KLHL14: variants seen among roughly 807,000 people sequenced by gnomAD.
KLHL14 encodes kelch like family member 14.
A neutral mutation model predicts 64.3 loss-of-function variants in KLHL14; 22 were observed. The observed-to-expected ratio is 0.34, with a 90% CI of 0.24 to 0.49. KLHL14 has a LOEUF of 0.49. Ranked by LOEUF, KLHL14 falls within the 20% of genes least tolerant of loss-of-function variation. The probability of loss-of-function intolerance (pLI) is 0.99; values close to 1 mark genes in which losing one functional copy is unlikely to be tolerated. For missense variants in KLHL14, 661 were observed against 789.0 expected (o/e 0.84, Z 1.94); for synonymous variants, 322 against 333.4 (o/e 0.97, Z 0.37).
At chr18:32,766,324 G>A (rs1048532794) in intron 2 of KLHL14, among the ~76,000 whole-genome samples, 3 of 151,960 alleles carry the variant, frequency 2.0e-5, no homozygotes, top group African/African-American at 7.2e-5. Flanking sequence ...GCTAAATTTA[G>A]ACTATGTCTT....
chr18:32,722,717 CT>C (rs1055668801), intron 3 of KLHL14, among the ~76,000 whole-genome samples: 6 of 152,124 alleles, frequency 3.9e-5, no homozygotes, highest in African/African-American at 1.4e-4. Context: ...AATCTCAGAA[CT>C]TTTGGAGGCT....
At chr18:32,722,190 TC>T (rs1297671879) in intron 3 of KLHL14, among the ~76,000 whole-genome samples, 1 of 152,184 alleles carries the variant, frequency 6.6e-6, no homozygotes, top group Non-Finnish European at 1.5e-5. Context: ...TAAACCTCTT[TC>T]CTTTATAATT....
chr18:32,673,319 T>C lies in KLHL14; in HGVS notation c.*1338A>G, dbSNP rs948702963. The stretch of plus-strand genomic sequence containing the variant: ...TTGTTGAAGGATTCAACACCATCTC[T>C]GGATGGTTAAAATATATTTTAGGCT... On this transcript the variant is annotated 3_prime_UTR_variant, in exon 9 of 9. Transcript: ENST00000359358. The C allele has an allele frequency of 6.6e-6, 1 of 152,404 alleles. No individual in the cohort carries two copies. Among genetic ancestry groups the C allele is most frequent in the African/African-American group, 2.4e-5 (1 of 41,446 alleles). 9.4% of individuals were successfully genotyped at this position (152,404 alleles called of 1,614,324 possible).
chr18:32,740,328 G>A (rs2050189673), intron 3 of KLHL14, among the ~76,000 whole-genome samples: 1 of 152,118 alleles, frequency 6.6e-6, no homozygotes, highest in African/African-American at 2.4e-5. Context: ...CTTTTCTAAG[G>A]TATTGTTCAC....
At chr18:32,684,513 C>T (rs1225638617) in intron 5 of KLHL14, among the ~76,000 whole-genome samples, 1 of 152,118 alleles carries the variant, frequency 6.6e-6, no homozygotes, top group Non-Finnish European at 1.5e-5. Context: ...CAGTCTATAA[C>T]TTAAAATGAA....
At chr18:32,759,729 A>G (rs554362511) in intron 2 of KLHL14, among the ~76,000 whole-genome samples, 3 of 139,038 alleles carry the variant, frequency 2.2e-5, no homozygotes, top group South Asian at 2.3e-4. Flanking sequence ...CTCTCTCGTC[A>G]TTTTGGAGTG....
rs1023802724 is a variant in KLHL14, at chr18:32,673,362, T to C, written c.*1295A>G. 1.3e-5 allele frequency: 2 copies of C among 152,190 alleles called. No homozygotes were observed. Among genetic ancestry groups the C allele is most frequent in the Non-Finnish European group, 2.9e-5 (2 of 68,032 alleles). 9.4% of individuals were successfully genotyped at this position (152,190 alleles called of 1,614,324 possible). On this transcript the variant is annotated 3_prime_UTR_variant, in exon 9 of 9. Coordinates refer to ENST00000359358, the MANE Select transcript of KLHL14 (RefSeq NM_020805.3). ...TTTAGGCTTTTATTTACTCCTAAAG[T>C]TGTTGTTCAAGCTCTGGAGGGCTTG...
intron 2 of KLHL14, among the ~76,000 whole-genome samples, chr18:32,759,416 A>G (rs1213410981): frequency 6.6e-6 from 1 of 152,228 alleles, no homozygotes; most frequent in Non-Finnish European, 1.5e-5. Context: ...AAATGGAACT[A>G]TTCCTATAAA....
intron 5 of KLHL14, among the ~76,000 whole-genome samples, chr18:32,681,486 C>T (rs1421045031): frequency 6.6e-6 from 1 of 152,102 alleles, no homozygotes; most frequent in African/African-American, 2.4e-5. Flanking sequence ...GGGAAAATAA[C>T]ATTCAAACAG....
At chr18:32,715,524 G>T (rs530328193) in intron 3 of KLHL14, among the ~76,000 whole-genome samples, 54 of 151,650 alleles carry the variant, frequency 3.6e-4, no homozygotes, top group African/African-American at 1.2e-3. Context: ...TTTTTTAGTA[G>T]CTTCAACCTA....
chr18:32,715,562 T>G (rs1401430552), intron 3 of KLHL14, among the ~76,000 whole-genome samples: 1 of 152,150 alleles, frequency 6.6e-6, no homozygotes, highest in African/African-American at 2.4e-5. Context: ...TTCACTTTTT[T>G]ATATAATAAA....
chr18:32,760,063 T>C (rs2050305845), intron 2 of KLHL14, among the ~76,000 whole-genome samples: 1 of 152,200 alleles, frequency 6.6e-6, no homozygotes, highest in Non-Finnish European at 1.5e-5. Context: ...GTGGTTGGTT[T>C]TGAGGGGTGC....
rs2050374159 is a variant in KLHL14 at position 32,770,289 on chromosome 18, C to T, written c.303G>A (p.Gln101=). 1.3e-6 allele frequency: 2 copies of T among 1,588,378 alleles called. No individual in the cohort carries two copies. Among genetic ancestry groups the T allele is most frequent in the African/African-American group, 1.3e-5 (1 of 74,584 alleles). ...QPSQQQQPPP[Q]EEPGTPSSSP... ...AGGAAGAAGGAGTCCCGGGCTCCTC[C>T]TGCGGCGGCGGCTGCTGCTGCTGTG... Residue 101 remains glutamine, a synonymous_variant, in exon 2 of 9, where the codon CAG becomes CAA. Coordinates refer to ENST00000359358, the MANE Select transcript of KLHL14 (RefSeq NM_020805.3). The surrounding 1 kb of genome is among the most constrained non-coding windows in gnomAD (Gnocchi z 6.7).
At chr18:32,686,809 A>G (rs574881285) in intron 5 of KLHL14, among the ~76,000 whole-genome samples, 21 of 152,278 alleles carry the variant, frequency 1.4e-4, no homozygotes, top group African/African-American at 4.8e-4. Flanking sequence ...CATCATTGCA[A>G]GTATAGTATT....
Position 32,709,637 on chromosome 18 carries a change from T to A in KLHL14, c.1070-14085A>T, listed in dbSNP as rs574825554. On this transcript the variant is annotated intron_variant, in intron 3 of 8. Transcript: ENST00000359358. ...GTAATTTTTAAATATTTTGTAGGGA[T>A]GGAATCTTGCTATGTTGCCCAGGCT... 4.6e-5 allele frequency among the ~76,000 whole-genome samples: 7 copies of A among 152,202 alleles called. No homozygotes were observed. The East Asian group carries it at 1.2e-3, about 25-fold the overall frequency.
chr18:32,674,755 C>T lies in KLHL14; in HGVS notation c.1789G>A (p.Gly597Arg). 1 of 780,972 alleles carries T rather than the reference C, an allele frequency of 1.3e-6. No homozygotes were observed. Among genetic ancestry groups the T allele is most frequent in the Non-Finnish European group, 2.4e-6 (1 of 418,056 alleles). The allele number at this position is 780,972 out of a possible 1,614,324, so 48.4% of individuals were successfully genotyped here. A position where few individuals can be genotyped will look rare whatever the true frequency, so the allele number is the denominator to read the frequency against. ...TCTCCTTCGAGTTCTGTCCAGGTTCCTTTCTCTGGACAATAGCATATTGTA... is the reference window on the plus strand; with the variant it reads ...TCTCCTTCGAGTTCTGTCCAGGTTCTTTTCTCTGGACAATAGCATATTGTA... ...SSTICYCPEK[G>R]TWTELEGDVA... The change falls in exon 9 of 9, where the codon GGA (glycine) becomes AGA (arginine). Residue 597 changes from glycine (G) to arginine (R), a missense_variant. Physicochemically the swap from Gly to Arg is moderately radical, Grantham distance 125. Around this residue, in one of 2 missense-constraint regions of KLHL14, gnomAD observed 330 missense variants for 450.0 expected, o/e 0.73. Coordinates refer to ENST00000359358, the MANE Select transcript of KLHL14 (RefSeq NM_020805.3).
At chr18:32,714,118 T>TA (rs1370408708) in intron 3 of KLHL14, among the ~76,000 whole-genome samples, 1 of 152,190 alleles carries the variant, frequency 6.6e-6, no homozygotes, top group African/African-American at 2.4e-5. Flanking sequence ...ACAAATTTAC[T>TA]AAATTTACTA....
intron 4 of KLHL14, among the ~76,000 whole-genome samples, chr18:32,691,544 C>A (rs576722437): frequency 1.2e-3 from 177 of 152,096 alleles, no homozygotes; most frequent in African/African-American, 4.1e-3. Flanking sequence ...TTCCCAGACC[C>A]CCCAAAGAAG....
rs2049801120 is a variant in KLHL14, at chr18:32,674,510, T to G, written c.*147A>C. 4 of 637,656 alleles carry G rather than the reference T, an allele frequency of 6.3e-6. No homozygotes were observed. The highest frequency in any genetic ancestry group is 1.1e-5 in the Non-Finnish European group (4 of 351,812). 39.5% of individuals were successfully genotyped at this position (637,656 alleles called of 1,614,324 possible). On this transcript the variant is annotated 3_prime_UTR_variant, in exon 9 of 9. Transcript: ENST00000359358. The stretch of plus-strand genomic sequence containing the variant: ...GTATCTGTTCAAGAACAGGTCTCTT[T>G]CTTTTGTAGTTACTTATAAATCATC...
Sources: gnomAD v4.1 joint callset for allele counts (sites outside exome capture counted in the v4.1 genomes callset) on GRCh38, gnomAD v4.1.1 for gene constraint, gnomAD v4.1.1 regional missense constraint, Gnocchi (gnomAD v3.1) non-coding constraint, MANE v1.5 for transcripts, NCBI Gene and HGNC (gene_info 2026-07-23, HGNC 2026-07-21) for gene names.